Variants in GRK1 observed in about 807,000 individuals in gnomAD.
GRK1 encodes rhodopsin kinase GRK1.
Under a neutral mutation model 41.7 loss-of-function variants are expected in GRK1, and 28 were observed. The ratio of observed to expected loss-of-function variants is 0.67; its 90% CI spans 0.50 to 0.92. The LOEUF is 0.92. Ranked by LOEUF, GRK1 falls within the 40% of genes least tolerant of loss-of-function variation. The probability of loss-of-function intolerance (pLI) is 0.00; values close to 1 mark genes in which losing one functional copy is unlikely to be tolerated. For missense variants in GRK1, 703 were observed against 671.2 expected, an observed-to-expected ratio of 1.05 and a Z score of -0.52; for synonymous variants, 327 against 286.7, an observed-to-expected ratio of 1.14 and a Z score of -1.42.
chr13:113,649,462 C>A, the GRK1 span: 1 of 1,565,512 alleles, frequency 6.4e-7, no homozygotes. The surrounding 1 kb of genome is among the most constrained non-coding windows in gnomAD (Gnocchi z 4.7). Flanking sequence ...CATGACCTTG[C>A]ACACGATGGC....
At chr13:113,732,336 C>T (rs2049943209) in intron 5 of GRK1, among the ~76,000 whole-genome samples, 1 of 152,196 alleles carries the variant, frequency 6.6e-6, no homozygotes, top group South Asian at 2.1e-4. Flanking sequence ...GGACCACTAG[C>T]ACGCCCGTGG....
At chr13:113,653,076 C>T in the GRK1 span, 1 of 1,604,882 alleles carries the variant, frequency 6.2e-7, no homozygotes, top group South Asian at 1.1e-5. Flanking sequence ...GAGTAGCCTG[C>T]AGACGGACGC....
intron 4 of GRK1, among the ~76,000 whole-genome samples, chr13:113,723,855 T>TGTGTGCATGCCC (rs2049872911): frequency 6.7e-6 from 1 of 149,672 alleles, no homozygotes; most frequent in Non-Finnish European, 1.5e-5. Flanking sequence ...TCTGTGTGCC[T>TGTGTGCATGCCC]GTGTGTGCAT....
At chr13:113,665,100 T>A (rs2049809343), upstream of GRK1, among the ~76,000 whole-genome samples, 2 of 152,152 alleles carry the variant, frequency 1.3e-5, no homozygotes, top group Admixed American at 1.3e-4. Context: ...CACAGTTGCC[T>A]CTTCTCCCAC....
rs1594583788 is a variant in GRK1, at chr13:113,735,066, A to G, written c.1397-2A>G. 6.6e-7 allele frequency: 1 copy of G among 1,508,244 alleles called. No individual in the cohort carries two copies. Among genetic ancestry groups the G allele is most frequent in the Non-Finnish European group, 8.9e-7 (1 of 1,126,426 alleles). The allele number at this position is 1,508,244 out of a possible 1,614,324, so 93.4% of individuals were successfully genotyped here. ...GGCGTCTGTGTTTTCTGTCTCCCAC[A>G]GGGATGCTGATGCCCCCTTTCATCC... On this transcript the variant is annotated splice_acceptor_variant, in intron 6 of 6. Coordinates refer to ENST00000335678, the MANE Select transcript of GRK1 (RefSeq NM_002929.3). LOFTEE classifies it high-confidence loss of function.
chr13:113,671,756 T>TGTGGACG lies in GRK1; in HGVS notation c.985+105_985+111dup. The TGTGGACG allele has an allele frequency of 2.9e-6, 2 of 687,660 alleles. No homozygotes were observed. Among genetic ancestry groups the TGTGGACG allele is most frequent in the Non-Finnish European group, 5.3e-6 (2 of 376,288 alleles). The allele number at this position is 687,660 out of a possible 1,614,324, so 42.6% of individuals were successfully genotyped here. On this transcript the variant is annotated intron_variant, in intron 3 of 6. Transcript: ENST00000335678. The surrounding 1 kb of genome is among the most constrained non-coding windows in gnomAD (Gnocchi z 4.1). ...ACAACCTCACGAGGGCTGACGGCTG[T>TGTGGACG]GTGGACGGTGGGGGTTCATGAGGGC...
chr13:113,733,035 T>G lies in GRK1; in HGVS notation c.1346T>G (p.Leu449Arg), dbSNP rs1321434487. The G allele has an allele frequency of 1.4e-5, 21 of 1,536,892 alleles. No individual in the cohort carries two copies. Among genetic ancestry groups the G allele is most frequent in the Admixed American group, 2.0e-5 (1 of 50,970 alleles). Residue 449 changes from leucine (L) to arginine (R), a missense_variant, in exon 6 of 7, where the codon CTC becomes CGC. Coordinates refer to ENST00000335678, the MANE Select transcript of GRK1 (RefSeq NM_002929.3). ...LGFRDETCDK[L>R]RAHPLFKDLN... The stretch of plus-strand genomic sequence containing the variant: ...TTCAGAGATGAGACCTGCGACAAGC[T>G]CCGTGCCCACCCCCTCTTCAAGGAC...
chr13:113,667,434 C>A lies in GRK1; in HGVS notation c.48C>A (p.Ile16=), dbSNP rs757414694. Residue 16 remains isoleucine, a synonymous_variant, in exon 1 of 7, where the codon ATC becomes ATA. Coordinates refer to ENST00000335678, the MANE Select transcript of GRK1 (RefSeq NM_002929.3). The surrounding 1 kb of genome is among the most constrained non-coding windows in gnomAD (Gnocchi z 7.5). The part of the protein sequence containing the change: ...LETVVANSAF[I]AARGSFDGSS... ...CCGTGGTGGCCAACTCTGCCTTCAT[C>A]GCCGCCCGAGGCAGCTTTGACGGCA... 6.2e-7 allele frequency: 1 copy of A among 1,603,732 alleles called. No homozygotes were observed. Among genetic ancestry groups the A allele is most frequent in the East Asian group, 2.2e-5 (1 of 44,502 alleles).
At chr13:113,668,247 G>A (rs1410990027) in intron 1 of GRK1, among the ~76,000 whole-genome samples, 162 bp downstream of exon 1, 7 of 152,246 alleles carry the variant, frequency 4.6e-5, no homozygotes, top group Non-Finnish European at 8.8e-5. Flanking sequence ...CCCCGCGGCC[G>A]TGCGGTTACG....
intron 2 of GRK1, among the ~76,000 whole-genome samples, chr13:113,670,111 C>T (rs11838658): frequency 0.066 from 9,971 of 152,152 alleles, 1,028 homozygotes; most frequent in African/African-American, 0.22. Flanking sequence ...GTGATGCAGT[C>T]GGCGGGGCCT....
At chr13:113,656,083 C>T in the GRK1 span, among the ~76,000 whole-genome samples, 1 of 152,260 alleles carries the variant, frequency 6.6e-6, no homozygotes, top group Admixed American at 6.5e-5. Flanking sequence ...GCCACAGCAG[C>T]TTGGCTTCAG....
the GRK1 span, chr13:113,648,869 AC>A: frequency 1.3e-5 from 2 of 152,182 alleles, no homozygotes; most frequent in Non-Finnish European, 2.9e-5. Flanking sequence ...TTCTTTTTTT[AC>A]ATACAATAAG....
chr13:113,733,487 GCGCGTGTGTGTATGTGTGTGCA>G (rs2049952940), intron 6 of GRK1, among the ~76,000 whole-genome samples: 1 of 151,858 alleles, frequency 6.6e-6, no homozygotes, highest in Admixed American at 6.6e-5. Flanking sequence ...TACTATGTGC[GCGCGTGTGTGTATGTGTGTGCA>G]CGTGTGTGTG....
intron 5 of GRK1, among the ~76,000 whole-genome samples, chr13:113,732,126 C>T (rs1400360198): frequency 1.3e-5 from 2 of 152,196 alleles, no homozygotes; most frequent in Admixed American, 6.5e-5. Flanking sequence ...GGCTGCCTCT[C>T]GTTGGACGGA....
chr13:113,733,416 C>T (rs549372558), intron 6 of GRK1, among the ~76,000 whole-genome samples: 16 of 152,372 alleles, frequency 1.1e-4, no homozygotes, highest in South Asian at 8.3e-4. Flanking sequence ...TGGCTCAGGC[C>T]GTCTGCCGGG....
At chr13:113,652,064 G>T in the GRK1 span, among the ~76,000 whole-genome samples, 2 of 152,186 alleles carry the variant, frequency 1.3e-5, no homozygotes, top group East Asian at 3.9e-4. Context: ...ACAGAGCACG[G>T]GCCGGCCTGC....
chr13:113,659,606 A>AT, the GRK1 span, among the ~76,000 whole-genome samples: 2 of 151,040 alleles, frequency 1.3e-5, no homozygotes, highest in African/African-American at 2.4e-5. Flanking sequence ...TATTTCTTTT[A>AT]TTTTTTTGTA....
At chr13:113,649,640 G>A in the GRK1 span, 6 of 1,313,352 alleles carry the variant, frequency 4.6e-6, no homozygotes, top group South Asian at 3.2e-5. This position sits in a 1 kb window ranked among gnomAD's most constrained non-coding sequence, Gnocchi z 4.7. Context: ...CAGAGAAGCA[G>A]CTCTTTTGTG....
the GRK1 span, chr13:113,653,393 C>T: frequency 6.5e-4 from 1,047 of 1,614,216 alleles, 7 homozygotes; most frequent in African/African-American, 0.012. Context: ...TAGACAATTT[C>T]CAGGCCTTTC....
Sources: gnomAD v4.1 joint callset for allele counts (sites outside exome capture counted in the v4.1 genomes callset) on GRCh38, gnomAD v4.1.1 for gene constraint, Gnocchi (gnomAD v3.1) non-coding constraint, MANE v1.5 for transcripts, NCBI Gene and HGNC (gene_info 2026-07-23, HGNC 2026-07-21) for gene names.